The following ROBO2 variants were observed in gnomAD, a reference collection of about 807,000 sequenced individuals.
ROBO2 encodes the protein roundabout guidance receptor 2, also known as roundabout homolog 2.
In ROBO2, 53 loss-of-function variants were observed where a neutral mutation model predicts 160.8. That is an observed-to-expected ratio of 0.33 (90% CI 0.26 to 0.41). ROBO2 has a LOEUF of 0.41. ROBO2 is among the 10% of genes least tolerant of loss of function. ROBO2 has a pLI of 1.00. For synonymous variants in ROBO2, 664 were observed against 611.7 expected (o/e 1.09, Z -1.26); for missense variants, 1,577 against 1,722.4 (o/e 0.92, Z 1.49).
chr3:77,282,948 G>C (rs1349384209), intron 2 of ROBO2, among the ~76,000 whole-genome samples: 1 of 138,674 alleles, frequency 7.2e-6, no homozygotes, highest in Non-Finnish European at 1.6e-5. Flanking sequence ...GGCATAAAGA[G>C]GCTTCTGCTT....
In ROBO2 at chr3:76,321,244, G is replaced by A. The variant is rs529609026; in HGVS notation, c.109+383642G>A. Among the ~76,000 whole-genome samples, 8 of 152,236 alleles carry A rather than the reference G, an allele frequency of 5.3e-5. No individual in the cohort carries two copies. The East Asian group carries it at 9.7e-4, about 18-fold the overall frequency. ...TATAGAACTATATGCTAGGCCAGGC[G>A]TGGTGGCTCACACCTGTAATCCCAG... On this transcript the variant is annotated intron_variant, in intron 2 of 26. Transcript: ENST00000487694.
intron 2 of ROBO2, among the ~76,000 whole-genome samples, chr3:77,184,682 A>G (rs1416238008): frequency 1.3e-5 from 2 of 152,078 alleles, no homozygotes; most frequent in African/African-American, 2.4e-5. Flanking sequence ...ATCTGGATTT[A>G]AAGAAAACAT....
chr3:77,012,791 T>A (rs2061999850), intron 2 of ROBO2, among the ~76,000 whole-genome samples: 1 of 152,220 alleles, frequency 6.6e-6, no homozygotes, highest in Admixed American at 6.5e-5. Flanking sequence ...TGATAATTTT[T>A]ATTTCAGCTA....
chr3:76,841,362 A>T (rs761260268), intron 2 of ROBO2, among the ~76,000 whole-genome samples: 2 of 152,166 alleles, frequency 1.3e-5, no homozygotes, highest in Non-Finnish European at 2.9e-5. Flanking sequence ...TTTGGTGTTT[A>T]TAACTTATAG....
intron 2 of ROBO2, among the ~76,000 whole-genome samples, chr3:76,674,711 G>A (rs186269109): frequency 6.6e-6 from 1 of 152,014 alleles, no homozygotes; most frequent in Admixed American, 6.6e-5. Context: ...ACCAGATTCT[G>A]AATTGGTGGC....
chr3:76,471,762 T>A lies in ROBO2; in HGVS notation c.109+534160T>A, dbSNP rs555657105. 2.0e-5 allele frequency among the ~76,000 whole-genome samples: 3 copies of A among 152,204 alleles called. No individual in the cohort carries two copies. The South Asian group carries it at 6.2e-4, about 32-fold the overall frequency. The stretch of plus-strand genomic sequence containing the variant: ...AGGAAAAGGTTTAATTGACTCACAG[T>A]TCTGCAGGCTGGGAAGGCCTCAGGA... On this transcript the variant is annotated intron_variant, in intron 2 of 26. Transcript: ENST00000487694.
chr3:77,541,797 G>A (rs1316470316), intron 6 of ROBO2, among the ~76,000 whole-genome samples: 1 of 152,174 alleles, frequency 6.6e-6, no homozygotes, highest in Non-Finnish European at 1.5e-5. Flanking sequence ...CAGAATATAA[G>A]TATATATTTT....
intron 2 of ROBO2, among the ~76,000 whole-genome samples, chr3:75,987,767 T>A (rs1316274698): frequency 6.6e-6 from 1 of 152,032 alleles, no homozygotes; most frequent in African/African-American, 2.4e-5. Context: ...TGAAAGATGT[T>A]GAATTTTACC....
At chr3:77,421,737 C>A (rs1361512420) in intron 2 of ROBO2, among the ~76,000 whole-genome samples, 1 of 151,718 alleles carries the variant, frequency 6.6e-6, no homozygotes, top group African/African-American at 2.4e-5. Context: ...AAATGATAAG[C>A]AGATAGATAT....
Position 77,270,962 on chromosome 3 carries a change from G to A in ROBO2, c.388+172622G>A, listed in dbSNP as rs927132241. On this transcript the variant is annotated intron_variant, in intron 2 of 25. Transcript: ENST00000461745. ...TGTCTTTTTAAAAAAAAAAAAAAAC[G>A]GTTTCTATGTCATTGTTGAAAGTGA... 5.0e-4 allele frequency among the ~76,000 whole-genome samples: 75 copies of A among 150,456 alleles called. 1 individual carries two copies. In the South Asian group the frequency reaches 5.9e-3, roughly 12 times the overall value.
chr3:76,337,733 G>A (rs1360225416), intron 2 of ROBO2, among the ~76,000 whole-genome samples: 1 of 152,182 alleles, frequency 6.6e-6, no homozygotes, highest in Non-Finnish European at 1.5e-5. Context: ...GATATTCTGA[G>A]TAGTTTCAAT....
intron 2 of ROBO2, among the ~76,000 whole-genome samples, chr3:76,223,240 A>T (rs1476534240): frequency 6.6e-6 from 1 of 151,974 alleles, no homozygotes; most frequent in African/African-American, 2.4e-5. Flanking sequence ...CAAGGAAATG[A>T]TTAATTGGTA....
intron 2 of ROBO2, among the ~76,000 whole-genome samples, chr3:76,757,135 G>C (rs960717747): frequency 1.3e-5 from 2 of 151,800 alleles, no homozygotes; most frequent in Non-Finnish European, 2.9e-5. Flanking sequence ...AAGCAAGATA[G>C]ATATGAATAA....
chr3:76,680,534 T>G (rs1560364893), intron 2 of ROBO2, among the ~76,000 whole-genome samples: 1 of 152,074 alleles, frequency 6.6e-6, no homozygotes, highest in African/African-American at 2.4e-5. Context: ...GGTAGGCTGA[T>G]GCCAAAAGCT....
intron 2 of ROBO2, among the ~76,000 whole-genome samples, chr3:77,238,258 T>G (rs1007837787): frequency 1.3e-5 from 2 of 152,212 alleles, no homozygotes; most frequent in Non-Finnish European, 2.9e-5. Context: ...CAATTTTTTA[T>G]TTCCTAGATC....
intron 2 of ROBO2, among the ~76,000 whole-genome samples, chr3:76,750,232 G>A (rs2093960665): frequency 6.6e-6 from 1 of 152,058 alleles, no homozygotes; most frequent in Non-Finnish European, 1.5e-5. Flanking sequence ...AAAGGCCTTT[G>A]ACAAAATTCA....
At chr3:76,293,588 G>A (rs1026083002) in intron 2 of ROBO2, among the ~76,000 whole-genome samples, 1 of 152,154 alleles carries the variant, frequency 6.6e-6, no homozygotes, top group Non-Finnish European at 1.5e-5. Flanking sequence ...GGAGTAGAAG[G>A]GTAAGACTGA....
chr3:77,445,132 G>T (rs931571409), intron 2 of ROBO2, among the ~76,000 whole-genome samples: 15 of 152,272 alleles, frequency 9.9e-5, no homozygotes, highest in African/African-American at 3.4e-4. Flanking sequence ...TAGGGACTTA[G>T]ATAGTTCAGT....
intron 2 of ROBO2, among the ~76,000 whole-genome samples, chr3:76,813,484 A>C (rs991507135): frequency 1.2e-4 from 19 of 152,154 alleles, no homozygotes; most frequent in Admixed American, 1.0e-3. Context: ...CTCTCATTAA[A>C]ATATGCTGCC....
Sources: allele counts gnomAD v4.1 joint callset (sites outside exome capture counted in the v4.1 genomes callset), GRCh38; gene constraint gnomAD v4.1.1; transcripts MANE v1.5; gene names NCBI Gene and HGNC (gene_info 2026-07-23, HGNC 2026-07-21).